CPQ: variants seen among roughly 807,000 people sequenced by gnomAD.
CPQ encodes carboxypeptidase Q.
Under a neutral mutation model 45.7 loss-of-function variants are expected in CPQ, and 37 were observed. That is an observed-to-expected ratio of 0.81 (90% CI 0.62 to 1.07). CPQ has a LOEUF of 1.07. Ranked by LOEUF, CPQ falls within the 50% of genes least tolerant of loss-of-function variation. The pLI is 0.00. For missense variants in CPQ, 537 were observed against 572.9 expected (o/e 0.94, Z 0.64); for synonymous variants, 186 against 205.8 (o/e 0.90, Z 0.82).
intron 5 of CPQ, among the ~76,000 whole-genome samples, chr8:96,976,597 C>G (rs1813792346): frequency 6.6e-6 from 1 of 152,054 alleles, no homozygotes; most frequent in Admixed American, 6.6e-5. Context: ...CTACTTCAAA[C>G]TAAACTATAA....
intron 1 of CPQ, among the ~76,000 whole-genome samples, chr8:96,700,641 C>T (rs113379057): frequency 1.3e-5 from 2 of 152,152 alleles, no homozygotes; most frequent in East Asian, 1.9e-4. Context: ...GAAGGGAACT[C>T]GAAACAGCTG....
chr8:96,785,336 G>A lies in CPQ; in HGVS notation c.433+6G>A, dbSNP rs1287588063. ...CATTGGGACTCCTCCAGAAGGTATTGTTTGTCTTTTCAGTTTGATTTGTAT... is the reference window on the plus strand; with the variant it reads ...CATTGGGACTCCTCCAGAAGGTATTATTTGTCTTTTCAGTTTGATTTGTAT... On this transcript the variant is annotated splice_donor_region_variant and intron_variant, in intron 2 of 7. Coordinates refer to ENST00000220763, the MANE Select transcript of CPQ (RefSeq NM_016134.4). 1 of 1,574,876 alleles carries A rather than the reference G, an allele frequency of 6.3e-7. No homozygotes were observed. Among genetic ancestry groups the A allele is most frequent in the Non-Finnish European group, 8.6e-7 (1 of 1,160,108 alleles).
intron 3 of CPQ, among the ~76,000 whole-genome samples, chr8:96,844,710 T>C (rs1202682659): frequency 6.6e-6 from 1 of 152,160 alleles, no homozygotes; most frequent in Non-Finnish European, 1.5e-5. Flanking sequence ...GGGACTAAGC[T>C]AGGTAGGTTG....
intron 4 of CPQ, among the ~76,000 whole-genome samples, chr8:96,908,064 C>T (rs1412274943): frequency 6.6e-6 from 1 of 151,476 alleles, no homozygotes; most frequent in Non-Finnish European, 1.5e-5. Context: ...TCCCTTCATT[C>T]TATTCTATAC....
chr8:96,672,509 A>G (rs1809017162), intron 1 of CPQ, among the ~76,000 whole-genome samples: 2 of 152,174 alleles, frequency 1.3e-5, no homozygotes, highest in Non-Finnish European at 2.9e-5. Context: ...TTGGAAAACA[A>G]TTGCTAGGAT....
chr8:96,885,986 A>T (rs1812302424), intron 4 of CPQ, among the ~76,000 whole-genome samples: 1 of 152,182 alleles, frequency 6.6e-6, no homozygotes, highest in East Asian at 1.9e-4. Context: ...AACAGAAAAA[A>T]AAAAGCCAAT....
chr8:97,110,778 C>G (rs931555093), intron 7 of CPQ, among the ~76,000 whole-genome samples: 2 of 152,122 alleles, frequency 1.3e-5, no homozygotes, highest in African/African-American at 4.8e-5. Flanking sequence ...TTCCTTAAAG[C>G]TCTAAATTTG....
At chr8:96,810,569 A>G (rs1399171287) in intron 2 of CPQ, among the ~76,000 whole-genome samples, 1 of 152,228 alleles carries the variant, frequency 6.6e-6, no homozygotes, top group Non-Finnish European at 1.5e-5. Flanking sequence ...CTCTGTACCT[A>G]GTAAAGCAGT....
chr8:97,124,225 C>CAAA lies in CPQ; in HGVS notation c.1256-18771_1256-18769dup, dbSNP rs34933920. Among the ~76,000 whole-genome samples, 36 of 42,576 alleles carry CAAA rather than the reference C, an allele frequency of 8.5e-4. 3 individuals carry two copies. The highest frequency in any genetic ancestry group is 1.6e-3 in the African/African-American group (18 of 11,610). 27.9% of individuals were successfully genotyped at this position (42,576 alleles called of 152,430 possible). A position where few individuals can be genotyped will look rare whatever the true frequency, so the allele number is the denominator to read the frequency against. ...TGGGCGACAGAGCAAGACTCCGTCT[C>CAAA]AAAAAAAAAAAAAAAAAAAAAAAAA... On this transcript the variant is annotated intron_variant, in intron 7 of 7. Coordinates refer to ENST00000220763, the MANE Select transcript of CPQ (RefSeq NM_016134.4).
intron 1 of CPQ, among the ~76,000 whole-genome samples, chr8:96,765,479 T>A (rs568265102): frequency 6.6e-6 from 1 of 152,204 alleles, no homozygotes; most frequent in African/African-American, 2.4e-5. Flanking sequence ...TAGTGCTTCT[T>A]CTTATTTAAC....
At chr8:97,084,967 G>A (rs560715830) in intron 7 of CPQ, among the ~76,000 whole-genome samples, 63 of 152,056 alleles carry the variant, frequency 4.1e-4, no homozygotes, top group African/African-American at 1.5e-3. Context: ...TGTTAATAGT[G>A]TATTTCTTGG....
At chr8:96,834,082 A>C (rs994107798) in intron 2 of CPQ, among the ~76,000 whole-genome samples, 10 of 152,226 alleles carry the variant, frequency 6.6e-5, no homozygotes, top group African/African-American at 1.9e-4. Context: ...TAGCCACTGC[A>C]TCTGGCCTTT....
At chr8:96,962,883 T>C (rs552163565) in intron 4 of CPQ, among the ~76,000 whole-genome samples, 27 of 151,836 alleles carry the variant, frequency 1.8e-4, no homozygotes, top group Non-Finnish European at 3.4e-4. Context: ...TACTATTTCA[T>C]TGTTGCCCCA....
rs1298989987 is a variant in CPQ, at chr8:96,840,451, A to T, written c.641+5271A>T. 2.0e-5 allele frequency among the ~76,000 whole-genome samples: 3 copies of T among 152,116 alleles called. No individual in the cohort carries two copies. The East Asian group carries it at 5.8e-4, about 29-fold the overall frequency. The stretch of plus-strand genomic sequence containing the variant: ...TGTGGTCCCTGGAATAGCAACATCA[A>T]CCTATCTAGGAGCTTATTGATGTGC... On this transcript the variant is annotated intron_variant, in intron 3 of 7. Transcript: ENST00000220763.
At chr8:96,743,789 G>A (rs1212715130) in intron 1 of CPQ, among the ~76,000 whole-genome samples, 1 of 152,222 alleles carries the variant, frequency 6.6e-6, no homozygotes, top group African/African-American at 2.4e-5. Flanking sequence ...AGGCTGCTCA[G>A]GGGTCAGGGG....
intron 1 of CPQ, among the ~76,000 whole-genome samples, chr8:96,691,577 G>A (rs1267373123): frequency 1.3e-5 from 2 of 152,120 alleles, no homozygotes; most frequent in African/African-American, 4.8e-5. Flanking sequence ...GGGTTTCAGA[G>A]TATTGACTAT....
At chr8:96,958,734 C>T (rs1813399911) in intron 4 of CPQ, among the ~76,000 whole-genome samples, 1 of 152,086 alleles carries the variant, frequency 6.6e-6, no homozygotes, top group Non-Finnish European at 1.5e-5. Flanking sequence ...CAGGAATAGG[C>T]ATGATCTCCT....
intron 1 of CPQ, among the ~76,000 whole-genome samples, chr8:96,757,358 A>C: frequency 1.9e-4 from 1 of 5,346 alleles, no homozygotes; most frequent in South Asian, 9.4e-3. Context: ...CTCAATGATA[A>C]TAATAATAAT....
At chr8:97,045,426 C>A (rs527305903) in intron 6 of CPQ, among the ~76,000 whole-genome samples, 74 of 152,310 alleles carry the variant, frequency 4.9e-4, no homozygotes, top group African/African-American at 1.4e-3. Flanking sequence ...AACTCCCTGA[C>A]CCCTTGTGCT....
Sources: gnomAD v4.1 joint callset for allele counts (sites outside exome capture counted in the v4.1 genomes callset) on GRCh38, gnomAD v4.1.1 for gene constraint, MANE v1.5 for transcripts, NCBI Gene and HGNC (gene_info 2026-07-23, HGNC 2026-07-21) for gene names.